Variants in ABLIM2 observed in about 807,000 individuals in gnomAD.
ABLIM2 encodes the protein actin-binding LIM protein 2.
ABLIM2 carries 53 observed loss-of-function variants against 97.7 expected under a neutral mutation model. The observed-to-expected ratio is 0.54, with a 90% CI of 0.44 to 0.68. The LOEUF (loss-of-function observed/expected upper bound fraction) is 0.68. Ranked by LOEUF, ABLIM2 falls within the 30% of genes least tolerant of loss-of-function variation. The pLI, the probability that ABLIM2 is intolerant of heterozygous loss-of-function variation, is 0.00. For missense variants in ABLIM2, 835 were observed against 867.2 expected, an observed-to-expected ratio of 0.96 and a Z score of 0.47; for synonymous variants, 361 against 345.8, an observed-to-expected ratio of 1.04 and a Z score of -0.49.
In ABLIM2 at chr4:8,119,885, T is replaced by C. The variant is rs937209622; in HGVS notation, c.11-13248A>G. On this transcript the variant is annotated intron_variant, in intron 1 of 20. Coordinates refer to ENST00000447017, the MANE Select transcript of ABLIM2 (RefSeq NM_001130083.2). Reference sequence around the variant, plus strand: ...GTCAGGGGAGGGGTTCCCAGCCCAGTGGGAAGAGCAGACCCTTCGCCTCCG... The same window carrying C: ...GTCAGGGGAGGGGTTCCCAGCCCAGCGGGAAGAGCAGACCCTTCGCCTCCG... Among the ~76,000 whole-genome samples, 4 of 152,146 alleles carry C rather than the reference T, an allele frequency of 2.6e-5. No homozygotes were observed. In the East Asian group the frequency reaches 7.8e-4, roughly 29 times the overall value.
At chr4:8,091,723 A>C (rs1561336929) in intron 3 of ABLIM2, among the ~76,000 whole-genome samples, 3 of 72,230 alleles carry the variant, frequency 4.2e-5, no homozygotes, top group Non-Finnish European at 6.5e-5. Context: ...ATTATATAAT[A>C]TATATTATAT....
intron 9 of ABLIM2, among the ~76,000 whole-genome samples, chr4:8,040,925 G>A (rs1024998769): frequency 2.6e-5 from 4 of 152,212 alleles, no homozygotes; most frequent in Admixed American, 2.6e-4. Flanking sequence ...TCTCAGAGTG[G>A]CATCAGCGAC....
chr4:8,060,884 C>T, intron 7 of ABLIM2, 83 bp downstream of exon 7: 1 of 1,202,626 alleles, frequency 8.3e-7, no homozygotes, highest in Non-Finnish European at 1.2e-6. Flanking sequence ...TGTCACCAAC[C>T]TGTTCACACC....
In ABLIM2 at chr4:8,050,180, T is replaced by C. The variant is rs544511150; in HGVS notation, c.822+4008A>G. 4.5e-4 allele frequency among the ~76,000 whole-genome samples: 69 copies of C among 152,304 alleles called. No individual in the cohort carries two copies. The Middle Eastern group carries it at 0.02, about 45-fold the overall frequency. On this transcript the variant is annotated intron_variant, in intron 8 of 20. Transcript: ENST00000447017. ...TAAAATCAAGCTGCACCCCAACACCTTGGGCGCCTGTTCTCAGGGTCACAT... is the reference window on the plus strand; with the variant it reads ...TAAAATCAAGCTGCACCCCAACACCCTGGGCGCCTGTTCTCAGGGTCACAT...
In ABLIM2 at chr4:8,003,561, C is replaced by CTTTTTTT. The variant is rs796877068; in HGVS notation, c.1618+4491_1618+4497dup. 5.0e-5 allele frequency among the ~76,000 whole-genome samples: 6 copies of CTTTTTTT among 120,182 alleles called. No homozygotes were observed. Among genetic ancestry groups the CTTTTTTT allele is most frequent in the Non-Finnish European group, 7.1e-5 (4 of 56,202 alleles). 78.8% of individuals were successfully genotyped at this position (120,182 alleles called of 152,430 possible). On this transcript the variant is annotated intron_variant, in intron 16 of 20. Coordinates refer to ENST00000447017, the MANE Select transcript of ABLIM2 (RefSeq NM_001130083.2). The surrounding 1 kb of genome is among the most constrained non-coding windows in gnomAD (Gnocchi z 4.2). ...ACCACTACGCTCTTCTTCCAGTTTT[C>CTTTTTTT]TTTTTTTTTTTTTTTTTTTTTGGAG...
At chr4:8,096,995 G>C in intron 3 of ABLIM2, 104 bp downstream of exon 3, 1 of 1,358,296 alleles carries the variant, frequency 7.4e-7, no homozygotes, top group Non-Finnish European at 9.9e-7. Context: ...GGATGCAGAG[G>C]GCGGGTCACG....
At chr4:8,097,036 G>C (rs947945162) in intron 3 of ABLIM2, 63 bp downstream of exon 3, 1 of 1,515,728 alleles carries the variant, frequency 6.6e-7, no homozygotes, top group Non-Finnish European at 8.9e-7. Context: ...GGGAAGGGAG[G>C]GAGGGAAGGA....
At position 8,003,802 on chromosome 4, in the gene ABLIM2, T is replaced by G. The variant is rs934929515; in HGVS notation, c.1618+4257A>C. 2.0e-5 allele frequency among the ~76,000 whole-genome samples: 3 copies of G among 152,028 alleles called. No homozygotes were observed. Among genetic ancestry groups the G allele is most frequent in the African/African-American group, 7.2e-5 (3 of 41,400 alleles). ...CTGGTCTCGAACTCCTGACCTCAGG[T>G]GATCTGCCCGCCTCGGCCTCCCAAA... On this transcript the variant is annotated intron_variant, in intron 16 of 20. Transcript: ENST00000447017. The surrounding 1 kb of genome is among the most constrained non-coding windows in gnomAD (Gnocchi z 4.2).
intron 16 of ABLIM2, among the ~76,000 whole-genome samples, chr4:7,997,892 T>G (rs1754436991): frequency 6.6e-6 from 1 of 152,146 alleles, no homozygotes; most frequent in South Asian, 2.1e-4. Context: ...TTTTTTCTTT[T>G]TTTTTTGAGA....
chr4:8,015,969 T>C lies in ABLIM2; in HGVS notation c.1423+3649A>G, dbSNP rs1249732477. ...CACCACACTTCCTCATTTTATAAGT[T>C]CAAATCAGATATGAGACGATCGTAA... On this transcript the variant is annotated intron_variant, in intron 14 of 20. Transcript: ENST00000447017. This position sits in a 1 kb window ranked among gnomAD's most constrained non-coding sequence, Gnocchi z 4.6. 2.0e-5 allele frequency among the ~76,000 whole-genome samples: 3 copies of C among 152,008 alleles called. No individual in the cohort carries two copies. The highest frequency in any genetic ancestry group is 7.2e-5 in the African/African-American group (3 of 41,380).
intron 6 of ABLIM2, among the ~76,000 whole-genome samples, chr4:8,076,185 G>A (rs1489127461): frequency 1.3e-5 from 2 of 152,214 alleles, no homozygotes; most frequent in Non-Finnish European, 2.9e-5. Flanking sequence ...GGATGGGTGT[G>A]GCCACCCGTC....
Position 7,999,877 on chromosome 4 carries a change from G to A in ABLIM2, c.1619-6950C>T, listed in dbSNP as rs1330932454. Among the ~76,000 whole-genome samples, 3 of 152,196 alleles carry A rather than the reference G, an allele frequency of 2.0e-5. No homozygotes were observed. The highest frequency in any genetic ancestry group is 2.9e-5 in the Non-Finnish European group (2 of 68,024). Reference sequence around the variant, plus strand: ...TCAGCACCCCGCCAGGCCTGCTCTTGGGGCCCTGAGCCTCTTCTCCACAGG... The same window carrying A: ...TCAGCACCCCGCCAGGCCTGCTCTTAGGGCCCTGAGCCTCTTCTCCACAGG... On this transcript the variant is annotated intron_variant, in intron 16 of 20. Coordinates refer to ENST00000447017, the MANE Select transcript of ABLIM2 (RefSeq NM_001130083.2). This position sits in a 1 kb window ranked among gnomAD's most constrained non-coding sequence, Gnocchi z 4.4.
intron 8 of ABLIM2, among the ~76,000 whole-genome samples, chr4:8,045,466 T>C (rs1309345031): frequency 1.3e-5 from 2 of 152,156 alleles, no homozygotes; most frequent in African/African-American, 2.4e-5. Flanking sequence ...CTGACCAACA[T>C]GGTGAAACCC....
At chr4:7,978,179 C>G (rs1735062252) in intron 20 of ABLIM2, among the ~76,000 whole-genome samples, 1 of 152,142 alleles carries the variant, frequency 6.6e-6, no homozygotes, top group African/African-American at 2.4e-5. Flanking sequence ...GCTCCTGCAC[C>G]CCCTCTGGCT....
chr4:8,141,028 GC>G (rs899446693), intron 1 of ABLIM2, among the ~76,000 whole-genome samples: 164 of 152,166 alleles, frequency 1.1e-3, no homozygotes, highest in African/African-American at 3.9e-3. Flanking sequence ...CTGTCTCCAG[GC>G]CCCTGAGCTG....
At chr4:8,094,986 CTTTCTT>C (rs201947851) in intron 3 of ABLIM2, among the ~76,000 whole-genome samples, 5,605 of 120,512 alleles carry the variant, frequency 0.047, 337 homozygotes, top group African/African-American at 0.15. Flanking sequence ...CTTTCTTTCT[CTTTCTT>C]TTCCTTTTTC....
Position 8,005,300 on chromosome 4 carries a change from G to A in ABLIM2, c.1618+2759C>T. ...CCCTCGGCGCCCCGCTCAGCGTCTG[G>A]CACAGAGTGGGTGCTCAATAAATAC... On this transcript the variant is annotated intron_variant, in intron 16 of 20. Coordinates refer to ENST00000447017, the MANE Select transcript of ABLIM2 (RefSeq NM_001130083.2). The surrounding 1 kb of genome is among the most constrained non-coding windows in gnomAD (Gnocchi z 4.9). 1 of 531,112 alleles carries A rather than the reference G, an allele frequency of 1.9e-6. No homozygotes were observed. The allele number at this position is 531,112 out of a possible 1,614,324, so 32.9% of individuals were successfully genotyped here. A position where few individuals can be genotyped will look rare whatever the true frequency, so the allele number is the denominator to read the frequency against.
At chr4:8,114,799 C>T (rs1279216311) in intron 1 of ABLIM2, among the ~76,000 whole-genome samples, 2 of 70,706 alleles carry the variant, frequency 2.8e-5, no homozygotes, top group Non-Finnish European at 7.1e-5. Context: ...GGGCAGCCAC[C>T]GCCCCGTCCC....
chr4:8,114,820 C>T (rs1308567804), intron 1 of ABLIM2, among the ~76,000 whole-genome samples: 1 of 152,222 alleles, frequency 6.6e-6, no homozygotes, highest in Non-Finnish European at 1.5e-5. Flanking sequence ...CAAACAGTCA[C>T]CAGACAGTTC....
Sources: gnomAD v4.1 joint callset for allele counts (sites outside exome capture counted in the v4.1 genomes callset) on GRCh38, gnomAD v4.1.1 for gene constraint, Gnocchi (gnomAD v3.1) non-coding constraint, MANE v1.5 for transcripts, NCBI Gene and HGNC (gene_info 2026-07-23, HGNC 2026-07-21) for gene names.